The following LRP1B variants were observed in gnomAD, a reference collection of about 807,000 sequenced individuals.
LRP1B encodes the protein low-density lipoprotein receptor-related protein 1B.
A neutral mutation model predicts 556.6 loss-of-function variants in LRP1B; 217 were observed. The ratio of observed to expected loss-of-function variants is 0.39; its 90% CI spans 0.35 to 0.44. The LOEUF is 0.44. LRP1B is among the 20% of genes least tolerant of loss of function. The pLI is 1.00. For synonymous variants in LRP1B, 2,047 were observed against 1,865.8 expected (o/e 1.10, Z -2.50); for missense variants, 5,053 against 5,620.8 (o/e 0.90, Z 3.23).
chr2:140,770,014 T>C (rs947249160), intron 34 of LRP1B, among the ~76,000 whole-genome samples: 7 of 151,876 alleles, frequency 4.6e-5, no homozygotes, highest in Non-Finnish European at 8.8e-5. Flanking sequence ...TTTGCCAATA[T>C]ATTAGAAAAT....
rs144384300 is a variant in LRP1B, at chr2:140,889,577, G to A, written c.3767-3242C>T. ...CTCCTAAAGTGCTGGGATTACAGACGTAAGCCACCTGGCCCAGCCATTCTT... is the reference window on the plus strand; with the variant it reads ...CTCCTAAAGTGCTGGGATTACAGACATAAGCCACCTGGCCCAGCCATTCTT... On this transcript the variant is annotated intron_variant, in intron 23 of 90. Coordinates refer to ENST00000389484, the MANE Select transcript of LRP1B (RefSeq NM_018557.3). 2.4e-4 allele frequency among the ~76,000 whole-genome samples: 37 copies of A among 152,210 alleles called. 1 individual carries two copies. The East Asian group carries it at 6.6e-3, about 27-fold the overall frequency.
intron 2 of LRP1B, among the ~76,000 whole-genome samples, chr2:141,615,907 G>A (rs938100789): frequency 2.6e-5 from 4 of 152,130 alleles, no homozygotes; most frequent in Admixed American, 6.6e-5. Flanking sequence ...CCAAGCTTCC[G>A]CAGAATATAT....
At chr2:141,818,344 CT>C (rs1696627499) in intron 1 of LRP1B, among the ~76,000 whole-genome samples, 1 of 152,008 alleles carries the variant, frequency 6.6e-6, no homozygotes, top group Non-Finnish European at 1.5e-5. Context: ...ATTCACCTGC[CT>C]CAGAAAAATG....
chr2:141,549,756 G>A (rs536150750), intron 2 of LRP1B, among the ~76,000 whole-genome samples: 2 of 152,270 alleles, frequency 1.3e-5, no homozygotes, highest in Non-Finnish European at 2.9e-5. Flanking sequence ...CAGCACTTTG[G>A]GAGGCCGAGG....
chr2:140,526,043 A>G (rs2104968564), intron 48 of LRP1B, 50 bp from the exon 49 acceptor site: 1 of 1,582,354 alleles, frequency 6.3e-7, no homozygotes, highest in Non-Finnish European at 8.7e-7. Flanking sequence ...TTCAAAGATT[A>G]TGAGCCTTCT....
chr2:141,352,648 T>G (rs1220417328), intron 3 of LRP1B, among the ~76,000 whole-genome samples: 1 of 151,948 alleles, frequency 6.6e-6, no homozygotes, highest in African/African-American at 2.4e-5. Context: ...TGATAGAAAT[T>G]TGTATATTAC....
At chr2:140,959,506 T>G (rs1558764417) in intron 18 of LRP1B, among the ~76,000 whole-genome samples, 1 of 151,636 alleles carries the variant, frequency 6.6e-6, no homozygotes, top group Admixed American at 6.6e-5. Context: ...TTTAATGTAG[T>G]CCTAAAGTTA....
At chr2:141,490,286 T>C (rs1441933898) in intron 2 of LRP1B, among the ~76,000 whole-genome samples, 3 of 152,042 alleles carry the variant, frequency 2.0e-5, no homozygotes, top group Non-Finnish European at 4.4e-5. Context: ...TTATTATGAA[T>C]ATAAACAATG....
chr2:140,591,265 G>C (rs903457758), intron 43 of LRP1B, among the ~76,000 whole-genome samples: 1 of 152,116 alleles, frequency 6.6e-6, no homozygotes, highest in Non-Finnish European at 1.5e-5. Flanking sequence ...TAATATACTT[G>C]ATTGCAATGT....
rs561911325 is a variant in LRP1B, at chr2:141,756,769, C to A, written c.205+53510G>T. Among the ~76,000 whole-genome samples the A allele has an allele frequency of 2.6e-5, 4 of 152,098 alleles. No individual in the cohort carries two copies. In the South Asian group the frequency reaches 8.3e-4, roughly 32 times the overall value. On this transcript the variant is annotated intron_variant, in intron 2 of 90. Transcript: ENST00000389484. Reference sequence around the variant, plus strand: ...AGTAACATGCTGTCTAGGTTCATACCCTAGGAGCAATAGGCTATACCATAT... The same window carrying A: ...AGTAACATGCTGTCTAGGTTCATACACTAGGAGCAATAGGCTATACCATAT...
At chr2:140,672,990 A>C (rs1414271856) in intron 41 of LRP1B, among the ~76,000 whole-genome samples, 3 of 152,226 alleles carry the variant, frequency 2.0e-5, no homozygotes, top group Non-Finnish European at 2.9e-5. Flanking sequence ...CACTAACAAA[A>C]AGTTGTCCAA....
At chr2:141,518,657 G>A (rs1265603397) in intron 2 of LRP1B, among the ~76,000 whole-genome samples, 1 of 152,084 alleles carries the variant, frequency 6.6e-6, no homozygotes, top group Non-Finnish European at 1.5e-5. Flanking sequence ...GAATAAAAGA[G>A]GGAGAGAGAG....
At chr2:141,410,949 TA>T (rs1002239958) in intron 3 of LRP1B, among the ~76,000 whole-genome samples, 2 of 152,116 alleles carry the variant, frequency 1.3e-5, no homozygotes, top group African/African-American at 4.8e-5. Flanking sequence ...AAATGCACTT[TA>T]TTTTTTTTTA....
At chr2:141,551,497 C>G (rs1222698635) in intron 2 of LRP1B, among the ~76,000 whole-genome samples, 1 of 151,944 alleles carries the variant, frequency 6.6e-6, no homozygotes, top group Non-Finnish European at 1.5e-5. Context: ...TTATTGACCT[C>G]TTTATTAGGA....
chr2:141,070,193 C>T (rs535115136), intron 7 of LRP1B, among the ~76,000 whole-genome samples: 1 of 151,908 alleles, frequency 6.6e-6, no homozygotes, highest in South Asian at 2.1e-4. Context: ...TTTCTTAATC[C>T]AGAAACTCAC....
At chr2:141,048,608 A>G (rs1480406008) in intron 11 of LRP1B, among the ~76,000 whole-genome samples, 1 of 152,124 alleles carries the variant, frequency 6.6e-6, no homozygotes, top group Non-Finnish European at 1.5e-5. Context: ...TTTGAGTGAC[A>G]TGATCAATAG....
At chr2:141,831,235 A>T (rs1393886194) in intron 1 of LRP1B, among the ~76,000 whole-genome samples, 1 of 151,746 alleles carries the variant, frequency 6.6e-6, no homozygotes, top group East Asian at 1.9e-4. Flanking sequence ...ATAAAATAAT[A>T]TGAATATACA....
intron 2 of LRP1B, among the ~76,000 whole-genome samples, chr2:141,672,444 T>G (rs572837594): frequency 6.3e-4 from 96 of 152,302 alleles, no homozygotes; most frequent in African/African-American, 2.2e-3. Context: ...CTATGCTATT[T>G]CTAGTCTTCA....
chr2:140,851,449 TCA>T (rs960745955), intron 28 of LRP1B, among the ~76,000 whole-genome samples: 5 of 152,020 alleles, frequency 3.3e-5, no homozygotes, highest in African/African-American at 1.2e-4. Flanking sequence ...GTACAACATA[TCA>T]CATATTTAAA....
Sources: gnomAD v4.1 joint callset for allele counts (sites outside exome capture counted in the v4.1 genomes callset) on GRCh38, gnomAD v4.1.1 for gene constraint, MANE v1.5 for transcripts, NCBI Gene and HGNC (gene_info 2026-07-23, HGNC 2026-07-21) for gene names.